The following NR2C1 variants were observed in gnomAD, a reference collection of about 807,000 sequenced individuals.
NR2C1 encodes the protein TR2 nuclear hormone receptor.
NR2C1 carries 33 observed loss-of-function variants against 74.8 expected under a neutral mutation model. The ratio of observed to expected loss-of-function variants is 0.44; its 90% CI spans 0.33 to 0.59. The LOEUF (loss-of-function observed/expected upper bound fraction) is 0.59. NR2C1 is among the 20% of genes least tolerant of loss of function. The pLI is 0.02. For synonymous variants in NR2C1, 225 were observed against 240.6 expected (o/e 0.94, Z 0.60); for missense variants, 568 against 715.6 (o/e 0.79, Z 2.35).
In NR2C1 at chr12:95,049,207, A is replaced by G. The variant is rs1481189356; in HGVS notation, c.992T>C (p.Leu331Ser). The change falls in exon 9 of 14, where the codon TTG (leucine) becomes TCG (serine). Residue 331 changes from leucine (L) to serine (S), a missense_variant. By Grantham distance (145) the Leu-to-Ser change is moderately radical. Transcript: ENST00000333003. ...SRAFDTLAKA[L>S]NPGESTACQS... ...GCAGGCTGTGCTCTCTCCAGGATTC[A>G]ATGCTTTTGCAAGAGTGTCAAATGC... is the stretch of plus-strand genomic sequence containing the variant. 2.5e-6 allele frequency: 4 copies of G among 1,613,916 alleles called. No homozygotes were observed. Among genetic ancestry groups the G allele is most frequent in the Non-Finnish European group, 3.4e-6 (4 of 1,180,002 alleles).
At position 95,028,540 on chromosome 12, in the gene NR2C1, A is replaced by G; in HGVS notation, c.1394-16T>C. ...GACATTTTATCTTTAATTAAAAATA[A>G]ACAAATGCTTCTAGTGTTTGTCTAA... On this transcript the variant is annotated splice_polypyrimidine_tract_variant and intron_variant, in intron 11 of 13. Coordinates refer to ENST00000333003, the MANE Select transcript of NR2C1 (RefSeq NM_003297.4). 1.4e-6 allele frequency: 2 copies of G among 1,435,638 alleles called. No homozygotes were observed. Among genetic ancestry groups the G allele is most frequent in the South Asian group, 2.4e-5 (2 of 83,844 alleles). The allele number at this position is 1,435,638 out of a possible 1,614,324, so 88.9% of individuals were successfully genotyped here. A position where few individuals can be genotyped will look rare whatever the true frequency, so the allele number is the denominator to read the frequency against.
chr12:95,056,535 CAAGT>C (rs1873904916), intron 7 of NR2C1, among the ~76,000 whole-genome samples: 1 of 152,126 alleles, frequency 6.6e-6, no homozygotes, highest in Non-Finnish European at 1.5e-5. Context: ...ACTCTTGACT[CAAGT>C]AAATATTTTG....
At chr12:95,057,435 AG>A in intron 7 of NR2C1, 117 bp downstream of exon 7, 8 of 688,338 alleles carry the variant, frequency 1.2e-5, no homozygotes, top group South Asian at 2.4e-5. Context: ...AAAAAAAAAA[AG>A]GCAACTTGTA....
chr12:95,036,195 GAAGCAAA>G (rs1421814973), intron 10 of NR2C1, among the ~76,000 whole-genome samples: 1 of 144,624 alleles, frequency 6.9e-6, no homozygotes, highest in African/African-American at 2.6e-5. Flanking sequence ...ACATCTTTAA[GAAGCAAA>G]AAGAGCTGAG....
intron 1 of NR2C1, among the ~76,000 whole-genome samples, chr12:95,071,597 T>A (rs1363513042): frequency 6.6e-6 from 1 of 152,088 alleles, no homozygotes; most frequent in African/African-American, 2.4e-5. Context: ...CTCAACAGGC[T>A]GAGGCAGGAG....
At chr12:95,033,826 A>G (rs1385395131) in intron 10 of NR2C1, among the ~76,000 whole-genome samples, 2 of 152,216 alleles carry the variant, frequency 1.3e-5, no homozygotes, top group Non-Finnish European at 2.9e-5. Context: ...TTCTGATCTT[A>G]GCGAGTACAG....
intron 13 of NR2C1, among the ~76,000 whole-genome samples, chr12:95,024,067 C>A (rs1375800059): frequency 1.3e-5 from 2 of 152,052 alleles, no homozygotes; most frequent in Non-Finnish European, 2.9e-5. Context: ...TTTTACAGAA[C>A]TGGTAGAAAG....
Position 95,057,588 on chromosome 12 carries a change from T to C in NR2C1, c.748A>G (p.Lys250Glu). 6.2e-7 allele frequency: 1 copy of C among 1,614,116 alleles called. No homozygotes were observed. Among genetic ancestry groups the C allele is most frequent in the Non-Finnish European group, 8.5e-7 (1 of 1,179,964 alleles). Residue 250 changes from lysine to glutamate, a missense_variant, in exon 7 of 14, where the codon AAA (lysine) becomes GAA (glutamate). Coordinates refer to ENST00000333003, the MANE Select transcript of NR2C1 (RefSeq NM_003297.4). ...GTCATCAGCACAGCTGACTCAGTTT[T>C]TACTCCAGATGGATGAATATTCATG... ...MFMNIHPSGV[K>E]TESAVLMTSD... is the part of the protein sequence containing the mutation.
intron 10 of NR2C1, among the ~76,000 whole-genome samples, chr12:95,035,734 ATAGC>A (rs938494883): frequency 1.1e-4 from 16 of 152,238 alleles, no homozygotes; most frequent in African/African-American, 3.9e-4. Flanking sequence ...CCCTGATGGT[ATAGC>A]TAGCTATGTT....
chr12:95,033,417 G>A (rs1870406184), intron 10 of NR2C1, among the ~76,000 whole-genome samples: 1 of 152,010 alleles, frequency 6.6e-6, no homozygotes, highest in African/African-American at 2.4e-5. Flanking sequence ...GAGAAAGATG[G>A]CAGAGAATTA....
intron 9 of NR2C1, among the ~76,000 whole-genome samples, chr12:95,043,921 T>G (rs1871950728): frequency 6.6e-6 from 1 of 152,026 alleles, no homozygotes; most frequent in Non-Finnish European, 1.5e-5. Flanking sequence ...AGAGAGAAAA[T>G]GTTTCATAAT....
At chr12:95,053,318 G>A (rs1320999194) in intron 7 of NR2C1, among the ~76,000 whole-genome samples, 2 of 151,882 alleles carry the variant, frequency 1.3e-5, no homozygotes, top group Admixed American at 1.3e-4. Context: ...TATATTACTT[G>A]TGCATTAGCT....
chr12:95,049,974 A>C (rs1427067458), intron 8 of NR2C1, among the ~76,000 whole-genome samples: 1 of 152,056 alleles, frequency 6.6e-6, no homozygotes, highest in Non-Finnish European at 1.5e-5. Flanking sequence ...TAATTTTTAA[A>C]TTATCTGTAG....
intron 10 of NR2C1, 38 bp downstream of exon 10, chr12:95,040,438 C>T (rs1228148451): frequency 6.4e-7 from 1 of 1,573,040 alleles, no homozygotes. Context: ...ATTTGCACTA[C>T]AAAATCACAT....
chr12:95,069,853 A>G (rs1030986319), intron 1 of NR2C1, among the ~76,000 whole-genome samples: 14 of 115,068 alleles, frequency 1.2e-4, no homozygotes, highest in Admixed American at 1.2e-3. Flanking sequence ...TCAACCTTAT[A>G]AAAAAAAAGC....
rs3048563 is a variant in NR2C1 at position 95,055,952 on chromosome 12, C to CAAAA, written c.783+1597_783+1600dup. ...GGGGTAACAGAGCAAGACTCCGTCTCAAAAAAAAAAAAAAAAAAAAAAATC... is the reference window on the plus strand; with the variant it reads ...GGGGTAACAGAGCAAGACTCCGTCTCAAAAAAAAAAAAAAAAAAAAAAAAAAATC... On this transcript the variant is annotated intron_variant, in intron 7 of 13. Transcript: ENST00000333003. 2.3e-3 allele frequency among the ~76,000 whole-genome samples: 128 copies of CAAAA among 56,398 alleles called. 2 individuals are homozygous for CAAAA. Among genetic ancestry groups the CAAAA allele is most frequent in the African/African-American group, 7.9e-3 (106 of 13,410 alleles). The allele number at this position is 56,398 out of a possible 152,430, so 37.0% of individuals were successfully genotyped here.
intron 1 of NR2C1, among the ~76,000 whole-genome samples, chr12:95,071,288 T>C (rs1876560876): frequency 6.6e-6 from 1 of 152,190 alleles, no homozygotes; most frequent in Non-Finnish European, 1.5e-5. Flanking sequence ...AGACTAAGGT[T>C]GTTAGCTAGG....
intron 3 of NR2C1, 49 bp downstream of exon 3, chr12:95,062,459 T>A (rs780208060): frequency 1.1e-5 from 13 of 1,138,020 alleles, no homozygotes; most frequent in East Asian, 2.7e-5. Flanking sequence ...ATGATTAAAA[T>A]TTTTTTTTTA....
intron 7 of NR2C1, among the ~76,000 whole-genome samples, chr12:95,055,458 A>AAGAT (rs61612929): frequency 0.021 from 3,158 of 152,318 alleles, 102 homozygotes; most frequent in African/African-American, 0.072. Context: ...CCCAAACTGT[A>AAGAT]AGATACTTTT....
Sources: allele counts gnomAD v4.1 joint callset (sites outside exome capture counted in the v4.1 genomes callset), GRCh38; gene constraint gnomAD v4.1.1; transcripts MANE v1.5; gene names NCBI Gene and HGNC (gene_info 2026-07-23, HGNC 2026-07-21).